The following NTRK2 variants were observed in gnomAD, a reference collection of about 807,000 sequenced individuals.
NTRK2 encodes neurotrophic receptor tyrosine kinase 2.
NTRK2 carries 13 observed loss-of-function variants against 94.5 expected under a neutral mutation model. The ratio of observed to expected loss-of-function variants is 0.14; its 90% CI spans 0.09 to 0.22. The LOEUF is 0.22. Ranked by LOEUF, NTRK2 falls within the 10% of genes least tolerant of loss-of-function variation. NTRK2 has a pLI of 1.00. For synonymous variants in NTRK2, 372 were observed against 407.4 expected (o/e 0.91, Z 1.05); for missense variants, 639 against 1,071.2 (o/e 0.60, Z 5.63).
intron 12 of NTRK2, among the ~76,000 whole-genome samples, chr9:84,840,832 C>T (rs2131781441): frequency 6.6e-6 from 1 of 152,246 alleles, no homozygotes; most frequent in South Asian, 2.1e-4. Flanking sequence ...ACCAGAGTGT[C>T]CCCTTCAGAG....
intron 14 of NTRK2, among the ~76,000 whole-genome samples, chr9:84,933,797 G>C (rs1329971734): frequency 6.6e-6 from 1 of 152,182 alleles, no homozygotes; most frequent in African/African-American, 2.4e-5. Context: ...TGCCCTGCTG[G>C]ACACACTGCT....
intron 17 of NTRK2, among the ~76,000 whole-genome samples, chr9:84,994,331 C>T (rs887556767): frequency 4.6e-5 from 7 of 152,178 alleles, no homozygotes; most frequent in African/African-American, 1.4e-4. Flanking sequence ...GCAAAGCAGA[C>T]ACCCAACAAA....
At chr9:85,007,868 G>A (rs953719932) in intron 17 of NTRK2, among the ~76,000 whole-genome samples, 1 of 152,120 alleles carries the variant, frequency 6.6e-6, no homozygotes, top group African/African-American at 2.4e-5. Context: ...CTAGCATGTG[G>A]CAGGCCTGCA....
chr9:84,911,587 T>C (rs1386998559), intron 14 of NTRK2, among the ~76,000 whole-genome samples: 2 of 152,150 alleles, frequency 1.3e-5, no homozygotes, highest in African/African-American at 4.8e-5. Flanking sequence ...TGTTATCTTC[T>C]CCATGTCTGT....
At chr9:84,835,519 A>G (rs2073819853) in intron 12 of NTRK2, among the ~76,000 whole-genome samples, 1 of 148,822 alleles carries the variant, frequency 6.7e-6, no homozygotes, top group African/African-American at 2.6e-5. Context: ...AGACAGAGAT[A>G]ACAACAACAA....
intron 17 of NTRK2, among the ~76,000 whole-genome samples, chr9:84,955,906 C>T (rs563040348): frequency 1.3e-5 from 2 of 152,284 alleles, no homozygotes; most frequent in South Asian, 4.2e-4. Context: ...CATTTTGAGG[C>T]CCTGGAGGTG....
chr9:84,878,444 G>T (rs1261158935), intron 14 of NTRK2, among the ~76,000 whole-genome samples: 3 of 151,600 alleles, frequency 2.0e-5, no homozygotes, highest in Non-Finnish European at 2.9e-5. Context: ...GACCCTCCTG[G>T]CCAACATGGT....
chr9:84,985,120 T>G (rs1016472505), intron 17 of NTRK2, among the ~76,000 whole-genome samples: 1 of 152,220 alleles, frequency 6.6e-6, no homozygotes, highest in African/African-American at 2.4e-5. Flanking sequence ...AGCCAAATCT[T>G]TTGTAATAAA....
intron 17 of NTRK2, among the ~76,000 whole-genome samples, chr9:84,983,174 A>T (rs908810470): frequency 6.6e-5 from 10 of 152,186 alleles, no homozygotes; most frequent in Admixed American, 2.0e-4. Flanking sequence ...GTCTGATACC[A>T]AATTGCTGTT....
intron 17 of NTRK2, among the ~76,000 whole-genome samples, chr9:84,964,952 T>C (rs1825381462): frequency 6.6e-6 from 1 of 152,198 alleles, no homozygotes; most frequent in Non-Finnish European, 1.5e-5. Context: ...CCTGTGAAGG[T>C]TTTTTTCCTT....
chr9:84,797,463 C>G (rs2133300605), intron 12 of NTRK2, among the ~76,000 whole-genome samples: 1 of 142,246 alleles, frequency 7.0e-6, no homozygotes, highest in South Asian at 2.1e-4. Context: ...TCCCTCTTCT[C>G]TTCATGTGGA....
At chr9:84,818,546 A>G (rs1343052704) in intron 12 of NTRK2, among the ~76,000 whole-genome samples, 1 of 152,246 alleles carries the variant, frequency 6.6e-6, no homozygotes, top group Non-Finnish European at 1.5e-5. Context: ...AAATTGGCAC[A>G]TACATTTTAA....
intron 12 of NTRK2, among the ~76,000 whole-genome samples, chr9:84,858,962 C>T (rs1463304527): frequency 6.6e-6 from 1 of 152,158 alleles, no homozygotes; most frequent in Non-Finnish European, 1.5e-5. Flanking sequence ...GTGTATCAGC[C>T]TCCCTGAATC....
Position 84,966,090 on chromosome 9 carries a change from AG to A in NTRK2, c.2172+10575del, listed in dbSNP as rs1312607605. Among the ~76,000 whole-genome samples, 41 of 152,356 alleles carry A rather than the reference AG, an allele frequency of 2.7e-4. 1 individual carries two copies. Among genetic ancestry groups the A allele is most frequent in the Admixed American group, 2.1e-3 (32 of 15,308 alleles). On this transcript the variant is annotated intron_variant, in intron 17 of 18. Coordinates refer to ENST00000277120, the MANE Select transcript of NTRK2 (RefSeq NM_006180.6). ...TGTTGCCTGAGGGATTCTGCTTACC[AG>A]GTACAACTAGTTTAAATTTGACTCC...
intron 12 of NTRK2, among the ~76,000 whole-genome samples, chr9:84,841,122 G>C (rs572309850): frequency 6.6e-6 from 1 of 152,268 alleles, no homozygotes; most frequent in Non-Finnish European, 1.5e-5. Context: ...AGAAACCTCA[G>C]ATGCATTTTG....
At chr9:84,676,479 G>A (rs2059061921) in intron 2 of NTRK2, among the ~76,000 whole-genome samples, 1 of 152,206 alleles carries the variant, frequency 6.6e-6, no homozygotes. Flanking sequence ...CAAGGTCACA[G>A]GGTCAGTGTT....
intron 9 of NTRK2, 145 bp from the exon 10 acceptor site, chr9:84,741,745 TAA>T (rs1401664388): frequency 1.5e-6 from 1 of 678,086 alleles, no homozygotes; most frequent in Non-Finnish European, 2.6e-6. Context: ...CTCAAGAACT[TAA>T]AGTTTTGTTT....
intron 12 of NTRK2, among the ~76,000 whole-genome samples, chr9:84,783,715 GA>G (rs1174468350): frequency 1.3e-5 from 2 of 152,098 alleles, no homozygotes; most frequent in Non-Finnish European, 2.9e-5. Context: ...CCCAAGATGT[GA>G]AAGTGTAAGA....
intron 12 of NTRK2, among the ~76,000 whole-genome samples, chr9:84,770,882 A>T (rs932543058): frequency 2.6e-5 from 4 of 152,164 alleles, no homozygotes; most frequent in Non-Finnish European, 5.9e-5. Context: ...TGTGATGTTG[A>T]TGTGTTAGCT....
Sources: allele counts gnomAD v4.1 joint callset (sites outside exome capture counted in the v4.1 genomes callset), GRCh38; gene constraint gnomAD v4.1.1; transcripts MANE v1.5; gene names NCBI Gene and HGNC (gene_info 2026-07-23, HGNC 2026-07-21).